Variants in RYR3 observed in about 807,000 individuals in gnomAD.
RYR3 encodes the protein brain ryanodine receptor-calcium release channel.
A neutral mutation model predicts 584.3 loss-of-function variants in RYR3; 207 were observed. That is an observed-to-expected ratio of 0.35 (90% CI 0.32 to 0.40). The LOEUF is 0.40. Ranked by LOEUF, RYR3 falls within the 10% of genes least tolerant of loss-of-function variation. The probability of loss-of-function intolerance (pLI) is 1.00; values close to 1 mark genes in which losing one functional copy is unlikely to be tolerated. For missense variants in RYR3, 5,616 were observed against 6,089.2 expected (o/e 0.92, Z 2.59); for synonymous variants, 2,416 against 2,248.5 (o/e 1.07, Z -2.11).
intron 1 of RYR3, among the ~76,000 whole-genome samples, chr15:33,354,520 T>C (rs1300071984): frequency 6.6e-6 from 1 of 152,236 alleles, no homozygotes; most frequent in South Asian, 2.1e-4. Flanking sequence ...GAAAAACTGC[T>C]AAGTGTCAAG....
At chr15:33,682,922 T>C (rs2064730735) in intron 38 of RYR3, among the ~76,000 whole-genome samples, 1 of 152,092 alleles carries the variant, frequency 6.6e-6, no homozygotes, top group Non-Finnish European at 1.5e-5. Context: ...CCATACCTTG[T>C]GGCAAATGGT....
chr15:33,368,810 G>A (rs1197816241), intron 1 of RYR3, among the ~76,000 whole-genome samples: 9 of 152,086 alleles, frequency 5.9e-5, no homozygotes, highest in Admixed American at 2.6e-4. Context: ...CTAGTGTCTC[G>A]AGATTGGAGA....
chr15:33,465,021 TA>T (rs1372372936), intron 1 of RYR3, among the ~76,000 whole-genome samples: 2 of 152,228 alleles, frequency 1.3e-5, no homozygotes, highest in Admixed American at 6.5e-5. Context: ...TCAGCTAGCA[TA>T]ATGCCGTCCA....
intron 57 of RYR3, among the ~76,000 whole-genome samples, chr15:33,751,680 T>TG (rs1329069620): frequency 6.6e-5 from 10 of 152,186 alleles, no homozygotes; most frequent in African/African-American, 2.2e-4. Flanking sequence ...TTCTGTAGGT[T>TG]GCCTGTTCAC....
intron 1 of RYR3, among the ~76,000 whole-genome samples, chr15:33,354,996 C>T (rs1370417637): frequency 6.6e-6 from 1 of 151,978 alleles, no homozygotes; most frequent in Non-Finnish European, 1.5e-5. Flanking sequence ...CCAGCCTGGC[C>T]AACATGGTGA....
chr15:33,344,130 A>G (rs1255287060), intron 1 of RYR3, among the ~76,000 whole-genome samples: 2 of 152,212 alleles, frequency 1.3e-5, no homozygotes, highest in African/African-American at 4.8e-5. Flanking sequence ...ATGAGATGCA[A>G]TCTGTCTGTA....
intron 42 of RYR3, among the ~76,000 whole-genome samples, chr15:33,701,328 A>C (rs546721781): frequency 2.6e-5 from 4 of 152,344 alleles, no homozygotes; most frequent in African/African-American, 9.6e-5. Context: ...GTGGAAGCCC[A>C]GCCTCGTTGG....
At chr15:33,335,581 C>T (rs143939718) in intron 1 of RYR3, among the ~76,000 whole-genome samples, 135 of 152,160 alleles carry the variant, frequency 8.9e-4, no homozygotes, top group African/African-American at 3.2e-3. Flanking sequence ...AGGCTTAATA[C>T]CTAGGTGATG....
chr15:33,557,798 A>G (rs1239791247), intron 10 of RYR3, among the ~76,000 whole-genome samples: 2 of 152,206 alleles, frequency 1.3e-5, no homozygotes, highest in Admixed American at 6.5e-5. Flanking sequence ...TAGCAATTTG[A>G]TCATCTCAGC....
intron 52 of RYR3, among the ~76,000 whole-genome samples, chr15:33,744,072 A>G (rs1304319254): frequency 1.3e-5 from 2 of 151,918 alleles, no homozygotes; most frequent in East Asian, 3.9e-4. Flanking sequence ...TCTCATATGC[A>G]CTACACATGC....
rs11632179 is a variant in RYR3 at position 33,426,373 on chromosome 15, T to C, written c.52-47046T>C. 2.4e-3 allele frequency among the ~76,000 whole-genome samples: 362 copies of C among 152,294 alleles called. 1 individual carries two copies. Among genetic ancestry groups the C allele is most frequent in the Admixed American group, 4.2e-3 (65 of 15,308 alleles). The stretch of plus-strand genomic sequence containing the variant: ...CCTGGCTTCCAGATTTCAGATGATG[T>C]TGGATCCAGGCTCAGAAGTGAGGAT... On this transcript the variant is annotated intron_variant, in intron 1 of 103. Transcript: ENST00000634891.
At chr15:33,470,518 G>A (rs992829768) in intron 1 of RYR3, among the ~76,000 whole-genome samples, 3 of 152,090 alleles carry the variant, frequency 2.0e-5, no homozygotes, top group African/African-American at 7.2e-5. Flanking sequence ...GGAGATGAGA[G>A]CACTTTCTAG....
At chr15:33,583,771 G>A (rs769912341) in intron 14 of RYR3, among the ~76,000 whole-genome samples, 13 of 152,212 alleles carry the variant, frequency 8.5e-5, no homozygotes, top group African/African-American at 1.4e-4. Flanking sequence ...AAATATTTAC[G>A]CCAGGCATGG....
chr15:33,608,053 G>A (rs2059994533), intron 18 of RYR3, among the ~76,000 whole-genome samples: 2 of 152,158 alleles, frequency 1.3e-5, no homozygotes, highest in African/African-American at 4.8e-5. Flanking sequence ...TGACCACTAC[G>A]ATAAACTGCC....
intron 1 of RYR3, among the ~76,000 whole-genome samples, chr15:33,375,547 A>T (rs574948321): frequency 1.3e-5 from 2 of 152,310 alleles, no homozygotes; most frequent in South Asian, 4.1e-4. Context: ...CAAACATGAG[A>T]GTTGTGTTAT....
chr15:33,316,599 A>G (rs1018082373), intron 1 of RYR3, among the ~76,000 whole-genome samples: 1 of 152,202 alleles, frequency 6.6e-6, no homozygotes, highest in Non-Finnish European at 1.5e-5. Context: ...CTAGATCACT[A>G]TCACCTTCAA....
At chr15:33,805,796 C>T (rs948462908) in intron 69 of RYR3, among the ~76,000 whole-genome samples, 1 of 151,962 alleles carries the variant, frequency 6.6e-6, no homozygotes, top group Non-Finnish European at 1.5e-5. Flanking sequence ...GTTTTTATTC[C>T]CTTTGTTCTT....
rs146043291 is a variant in RYR3, at chr15:33,672,625, A to G, written c.5860+2069A>G. On this transcript the variant is annotated intron_variant, in intron 38 of 103. Coordinates refer to ENST00000634891, the MANE Select transcript of RYR3 (RefSeq NM_001036.6). ...ACCACCACCCCCATAAATTGTTTTT[A>G]ATATGATCAGATGGAGACAAGGTTG... Among the ~76,000 whole-genome samples, 121 of 152,324 alleles carry G rather than the reference A, an allele frequency of 7.9e-4. 1 individual carries two copies. The East Asian group carries it at 0.01, about 13-fold the overall frequency.
intron 101 of RYR3, 24 bp downstream of exon 101, chr15:33,860,683 C>T: frequency 6.7e-7 from 1 of 1,499,654 alleles, no homozygotes; most frequent in Non-Finnish European, 9.1e-7. Flanking sequence ...AACTACTAAT[C>T]CCAGCTCTAT....
Sources: allele counts gnomAD v4.1 joint callset (sites outside exome capture counted in the v4.1 genomes callset), GRCh38; gene constraint gnomAD v4.1.1; transcripts MANE v1.5; gene names NCBI Gene and HGNC (gene_info 2026-07-23, HGNC 2026-07-21).